DOCK8: variants seen among roughly 807,000 people sequenced by gnomAD.
DOCK8 encodes the protein dedicator of cytokinesis 8, also known as dedicator of cytokinesis protein 8.
A neutral mutation model predicts 245.6 loss-of-function variants in DOCK8; 141 were observed. The ratio of observed to expected loss-of-function variants is 0.57; its 90% CI spans 0.50 to 0.66. The LOEUF (loss-of-function observed/expected upper bound fraction) is 0.66, where lower values mean the gene tolerates loss of function less well. Among genes scored for constraint, DOCK8 ranks in the 30% least tolerant of loss-of-function variants. DOCK8 has a pLI of 0.00. For missense variants in DOCK8, 2,965 were observed against 2,603.4 expected (o/e 1.14, Z -3.02); for synonymous variants, 1,168 against 970.2 (o/e 1.20, Z -3.79).
Position 464,145 on chromosome 9 carries a change from T to C in DOCK8, c.6240-14T>C. 1 of 1,609,446 alleles carries C rather than the reference T, an allele frequency of 6.2e-7. No individual in the cohort carries two copies. The highest frequency in any genetic ancestry group is 8.5e-7 in the Non-Finnish European group (1 of 1,175,700). On this transcript the variant is annotated splice_polypyrimidine_tract_variant and intron_variant, in intron 47 of 47. Coordinates refer to ENST00000432829, the MANE Select transcript of DOCK8 (RefSeq NM_203447.4). ...CTCTCTTTCCCTCTCCTCCCTCTCT[T>C]TTCTTAATTTCAGGGACTCCTTCCA...
intron 11 of DOCK8, among the ~76,000 whole-genome samples, chr9:335,196 T>G (rs2051252113): frequency 6.6e-6 from 1 of 152,236 alleles, no homozygotes; most frequent in African/African-American, 2.4e-5. Flanking sequence ...TTTACTGTTT[T>G]AGTTTATTTA....
intron 14 of DOCK8, among the ~76,000 whole-genome samples, chr9:349,970 C>G (rs987805397): frequency 6.6e-6 from 1 of 152,160 alleles, no homozygotes; most frequent in Admixed American, 6.5e-5. Flanking sequence ...CCTCCAATAG[C>G]TCTTCTGAGC....
At chr9:332,364 A>G (rs1172852812) in intron 9 of DOCK8, 34 bp from the exon 10 acceptor site, 3 of 1,445,178 alleles carry the variant, frequency 2.1e-6, no homozygotes, top group Non-Finnish European at 2.9e-6. Flanking sequence ...GATGTAATTT[A>G]TGTGCCTTAT....
chr9:443,538 C>T, intron 43 of DOCK8, 22 bp downstream of exon 43: 2 of 1,584,634 alleles, frequency 1.3e-6, no homozygotes, highest in Non-Finnish European at 8.7e-7. Context: ...TTTACAAAAA[C>T]TAACCATCAA....
At chr9:448,241 T>C (rs955494104) in intron 44 of DOCK8, among the ~76,000 whole-genome samples, 3 of 152,152 alleles carry the variant, frequency 2.0e-5, no homozygotes, top group African/African-American at 7.2e-5. Flanking sequence ...TACAGGCTTG[T>C]GCCACCATGC....
At chr9:413,602 C>G (rs1302258793) in intron 28 of DOCK8, among the ~76,000 whole-genome samples, 2 of 152,076 alleles carry the variant, frequency 1.3e-5, no homozygotes, top group African/African-American at 4.8e-5. Flanking sequence ...GGCAAAAGAT[C>G]AGAATAGACA....
chr9:215,088 C>T (rs961832437), intron 1 of DOCK8, 59 bp downstream of exon 1: 44 of 1,521,998 alleles, frequency 2.9e-5, no homozygotes, highest in South Asian at 6.1e-5. Flanking sequence ...TGGTGTGAAG[C>T]GGAGCTTCGC....
In DOCK8 at chr9:451,991, T is replaced by A. The variant is rs551877438; in HGVS notation, c.5962-20T>A. 117 of 676,140 alleles carry A rather than the reference T, an allele frequency of 1.7e-4. No individual in the cohort carries two copies. The African/African-American group carries it at 2.2e-3, about 13-fold the overall frequency. 41.9% of individuals were successfully genotyped at this position (676,140 alleles called of 1,614,324 possible). ...TATATATATATATTTTTTTTTTTTT[T>A]TTTTTTTTTTTCCCACCAGGGACCA... On this transcript the variant is annotated intron_variant, in intron 45 of 47. Coordinates refer to ENST00000432829, the MANE Select transcript of DOCK8 (RefSeq NM_203447.4).
intron 1 of DOCK8, among the ~76,000 whole-genome samples, chr9:233,592 G>A (rs1248163396): frequency 2.0e-5 from 3 of 151,750 alleles, no homozygotes; most frequent in African/African-American, 7.3e-5. Flanking sequence ...TGTATTGGGT[G>A]CATATATATT....
chr9:353,453 G>A (rs924704782), intron 14 of DOCK8, among the ~76,000 whole-genome samples: 1 of 152,164 alleles, frequency 6.6e-6, no homozygotes, highest in Non-Finnish European at 1.5e-5. Context: ...TAAATGGGTA[G>A]AGAACTAATA....
At chr9:429,310 G>C (rs1020822708) in intron 35 of DOCK8, among the ~76,000 whole-genome samples, 2 of 152,128 alleles carry the variant, frequency 1.3e-5, no homozygotes, top group African/African-American at 4.8e-5. Context: ...CCTTCTACAT[G>C]GGGTCTTTTA....
intron 4 of DOCK8, among the ~76,000 whole-genome samples, chr9:296,841 C>A (rs1296415553): frequency 6.6e-6 from 1 of 152,162 alleles, no homozygotes; most frequent in African/African-American, 2.4e-5. Context: ...TGCATAGACT[C>A]CCTCCCCACA....
chr9:381,366 A>G (rs762498244), intron 21 of DOCK8: 2 of 152,184 alleles, frequency 1.3e-5, no homozygotes, highest in Non-Finnish European at 2.9e-5. Flanking sequence ...CGATTCTAGT[A>G]TAATAAAGGA....
intron 29 of DOCK8, among the ~76,000 whole-genome samples, chr9:416,477 C>G (rs552162143): frequency 6.6e-6 from 1 of 152,204 alleles, no homozygotes; most frequent in Non-Finnish European, 1.5e-5. Context: ...GTCTCCAAGC[C>G]TTTTAAACCT....
intron 1 of DOCK8, among the ~76,000 whole-genome samples, chr9:225,645 A>G (rs1379486369): frequency 6.6e-6 from 1 of 152,226 alleles, no homozygotes; most frequent in Admixed American, 6.5e-5. Context: ...AGTCATGAAT[A>G]AGATAGACAG....
At chr9:312,502 AG>A (rs745683715) in intron 6 of DOCK8, 4 of 469,050 alleles carry the variant, frequency 8.5e-6, no homozygotes, top group South Asian at 4.9e-5. Flanking sequence ...CTATTATTTG[AG>A]GGGATGTGTG....
chr9:305,507 G>A (rs1019838099), intron 5 of DOCK8, among the ~76,000 whole-genome samples: 5 of 152,108 alleles, frequency 3.3e-5, no homozygotes, highest in African/African-American at 1.2e-4. Context: ...GGATGGTCCT[G>A]ATCTCCTGAC....
chr9:399,997 T>TCCACCATCACCACCATCTTCA (rs1554691485), intron 26 of DOCK8, among the ~76,000 whole-genome samples: 3 of 57,850 alleles, frequency 5.2e-5, no homozygotes, highest in Admixed American at 1.8e-4. Context: ...TCCCACCACC[T>TCCACCATCACCACCATCTTCA]CCACCACCTC....
intron 29 of DOCK8, among the ~76,000 whole-genome samples, chr9:416,139 G>A (rs961949237): frequency 1.3e-5 from 2 of 152,174 alleles, no homozygotes; most frequent in South Asian, 2.1e-4. Context: ...TTCTGTTGGG[G>A]CCAGAGTGCA....
Sources: gnomAD v4.1 joint callset for allele counts (sites outside exome capture counted in the v4.1 genomes callset) on GRCh38, gnomAD v4.1.1 for gene constraint, MANE v1.5 for transcripts, NCBI Gene and HGNC (gene_info 2026-07-23, HGNC 2026-07-21) for gene names.